The following XG variants were observed in gnomAD, a reference collection of about 807,000 sequenced individuals.
XG encodes the protein Xg glycoprotein (Xg blood group).
A neutral mutation model predicts 25.7 loss-of-function variants in XG; 24 were observed. That is an observed-to-expected ratio of 0.93 (90% CI 0.68 to 1.31). The LOEUF (loss-of-function observed/expected upper bound fraction) is 1.31, where lower values mean the gene tolerates loss of function less well. XG is among the 40% of genes most tolerant of loss of function. XG has a pLI of 0.00. For synonymous variants in XG, 77 were observed against 69.2 expected (o/e 1.11, Z -0.56); for missense variants, 181 against 187.6 (o/e 0.96, Z 0.21).
chrX:2,763,495 AG>A (rs1228372136), intron 1 of XG, among the ~76,000 whole-genome samples: 3 of 123,216 alleles, frequency 2.4e-5, no homozygotes, highest in African/African-American at 6.2e-5. Flanking sequence ...GGGGGGTGGA[AG>A]GGGGGTGAGG....
chrX:2,774,004 C>G (rs1040628296), intron 2 of XG, among the ~76,000 whole-genome samples: 8 of 149,882 alleles, frequency 5.3e-5, no homozygotes, highest in African/African-American at 1.7e-4. Context: ...AGTGAATGTC[C>G]GCACCACACA....
intron 1 of XG, among the ~76,000 whole-genome samples, chrX:2,767,245 A>C (rs2050720179): frequency 1.3e-5 from 2 of 152,154 alleles, no homozygotes; most frequent in African/African-American, 4.8e-5. Flanking sequence ...CAGGCTACAG[A>C]AGAATGCTTC....
chrX:2,797,431 G>A (rs1451896782), intron 7 of XG, 71 bp downstream of exon 7: 3 of 1,121,479 alleles, frequency 2.7e-6, no homozygotes, highest in Non-Finnish European at 3.7e-6. Flanking sequence ...GCTCCCGCTT[G>A]CACTCTGCCC....
chrX:2,754,650 GGA>G (rs1184858080), intron 1 of XG, among the ~76,000 whole-genome samples: 1 of 152,186 alleles, frequency 6.6e-6, no homozygotes, highest in Non-Finnish European at 1.5e-5. Flanking sequence ...TGAGGAGCAA[GGA>G]GAGCCAGTCC....
chrX:2,806,575 G>A lies in XG; in HGVS notation c.374-126G>A, dbSNP rs773151977. On this transcript the variant is annotated intron_variant, in intron 7 of 10. Coordinates refer to ENST00000644266, the MANE Select transcript of XG (RefSeq NM_001141919.2). ...GTGCACCTTCCCTGGCCTTGGGAGA[G>A]CATTGGAATCTCTGCAGCTTTTAAG... is the stretch of plus-strand genomic sequence containing the variant. 291 of 585,356 alleles carry A rather than the reference G, an allele frequency of 5.0e-4. 1 individual carries two copies. The highest frequency in any genetic ancestry group is 3.2e-3 in the Middle Eastern group (6 of 1,893). The allele number at this position is 585,356 out of a possible 1,213,427, so 48.2% of individuals were successfully genotyped here. A position where few individuals can be genotyped will look rare whatever the true frequency, so the allele number is the denominator to read the frequency against.
intron 1 of XG, among the ~76,000 whole-genome samples, chrX:2,756,705 CG>C (rs2050442393): frequency 6.6e-6 from 1 of 152,126 alleles, no homozygotes; most frequent in Non-Finnish European, 1.5e-5. Context: ...AGTTCCCTGA[CG>C]CCCCCTCACA....
chrX:2,784,462 C>T (rs1008410197), intron 4 of XG, among the ~76,000 whole-genome samples: 2 of 108,097 alleles, frequency 1.9e-5, no homozygotes, highest in African/African-American at 6.8e-5. Flanking sequence ...CCCAGCAACT[C>T]GAGAGGCTGA....
In XG at chrX:2,794,563, C is replaced by A; in HGVS notation, c.282C>A (p.Asp94Glu). ...ACTTCAATGATGTGGACCGTGATGACGGACGCTACCCGCCCAGGCCCAGGC... is the reference window on the plus strand; with the variant it reads ...ACTTCAATGATGTGGACCGTGATGAAGGACGCTACCCGCCCAGGCCCAGGC... The part of the protein sequence containing the change: ...GGYFNDVDRD[D>E]GRYPPRPRPR... Residue 94 changes from aspartate (D) to glutamate (E), a missense_variant, in exon 6 of 11, where the codon GAC (aspartate) becomes GAA (glutamate). By Grantham distance (45) the Asp-to-Glu change is conservative (BLOSUM62 2). Transcript: ENST00000644266. 1 of 1,211,537 alleles carries A rather than the reference C, an allele frequency of 8.3e-7. No homozygotes were observed. The highest frequency in any genetic ancestry group is 1.1e-6 in the Non-Finnish European group (1 of 895,365).
intron 10 of XG, among the ~76,000 whole-genome samples, chrX:2,812,548 T>C (rs2087068185): frequency 9.0e-6 from 1 of 111,009 alleles, no homozygotes; most frequent in Admixed American, 9.7e-5. Context: ...GGTGTTTGCT[T>C]TAGGATTTGC....
intron 2 of XG, among the ~76,000 whole-genome samples, chrX:2,773,319 G>C (rs1412314319): frequency 6.8e-6 from 1 of 147,444 alleles, no homozygotes; most frequent in Non-Finnish European, 1.5e-5. Flanking sequence ...AAGAAAGGAG[G>C]GGGGAAGGAA....
chrX:2,765,176 T>C (rs1243051037), intron 1 of XG, among the ~76,000 whole-genome samples: 1 of 149,572 alleles, frequency 6.7e-6, no homozygotes, highest in Non-Finnish European at 1.5e-5. Flanking sequence ...TGAAACCCCA[T>C]CTCTACTAAA....
At position 2,815,897 on chromosome X, in the gene XG, A is replaced by G. The variant is rs2087100845; in HGVS notation, c.*1517A>G. Reference sequence around the variant, plus strand: ...CTAAAACTGTCATAAACTATTTTTAATCATTTTAAATAAATGTAAAAGAAA... The same window carrying G: ...CTAAAACTGTCATAAACTATTTTTAGTCATTTTAAATAAATGTAAAAGAAA... On this transcript the variant is annotated 3_prime_UTR_variant, in exon 11 of 11. Coordinates refer to ENST00000644266, the MANE Select transcript of XG (RefSeq NM_001141919.2). 1 of 111,816 alleles carries G rather than the reference A, an allele frequency of 8.9e-6. No homozygotes were observed. The highest frequency in any genetic ancestry group is 1.9e-5 in the Non-Finnish European group (1 of 53,184). The allele number at this position is 111,816 out of a possible 1,213,427, so 9.2% of individuals were successfully genotyped here.
At chrX:2,774,931 C>T (rs1460043969) in intron 3 of XG, 192 bp downstream of exon 3, 6 of 691,468 alleles carry the variant, frequency 8.7e-6, no homozygotes, top group Admixed American at 2.6e-5. Context: ...TGAAGCACCA[C>T]TTCGTCCCCA....
chrX:2,761,605 A>G (rs1192737067), intron 1 of XG, among the ~76,000 whole-genome samples: 1 of 149,806 alleles, frequency 6.7e-6, no homozygotes, highest in African/African-American at 2.5e-5. Context: ...TCCTGATCTC[A>G]AGACGTCCAG....
chrX:2,752,575 A>G (rs775709021), intron 1 of XG, among the ~76,000 whole-genome samples: 2 of 152,284 alleles, frequency 1.3e-5, no homozygotes, highest in East Asian at 3.9e-4. Context: ...CCATCTAGAT[A>G]TTCGCCATAT....
At chrX:2,752,615 G>A (rs1162472292) in intron 1 of XG, among the ~76,000 whole-genome samples, 2 of 152,132 alleles carry the variant, frequency 1.3e-5, no homozygotes, top group African/African-American at 2.4e-5. Context: ...TGTCCCAAGC[G>A]TTTAAAAAAT....
Position 2,752,278 on chromosome X carries a change from G to A in XG, c.4G>A (p.Glu2Lys). The change falls in exon 1 of 11, where the codon GAG becomes AAG. Residue 2 changes from glutamate to lysine, a missense_variant. By Grantham distance (56) the Glu-to-Lys change is moderately conservative. Coordinates refer to ENST00000644266, the MANE Select transcript of XG (RefSeq NM_001141919.2). ...TTCTTGCATCCTGAAGCAAACCATG[G>A]AGAGCTGGTGGGGACTTCCCTGTCT... Reference protein sequence around the residue: MESWWGLPCLAF... With the variant: MKSWWGLPCLAF... 1 of 1,613,890 alleles carries A rather than the reference G, an allele frequency of 6.2e-7. No individual in the cohort carries two copies. The highest frequency in any genetic ancestry group is 8.5e-7 in the Non-Finnish European group (1 of 1,179,838).
At chrX:2,809,302 C>G (rs2087032699) in intron 9 of XG, among the ~76,000 whole-genome samples, 2 of 111,620 alleles carry the variant, frequency 1.8e-5, no homozygotes, top group Non-Finnish European at 3.8e-5. Flanking sequence ...GAGGTGGAGT[C>G]TGCACTTCAT....
chrX:2,814,690 C>G lies in XG; in HGVS notation c.*310C>G, dbSNP rs2087088763. 3 of 248,638 alleles carry G rather than the reference C, an allele frequency of 1.2e-5. No homozygotes were observed. The East Asian group carries it at 2.3e-4, about 19-fold the overall frequency. The allele number at this position is 248,638 out of a possible 1,213,427, so 20.5% of individuals were successfully genotyped here. A position where few individuals can be genotyped will look rare whatever the true frequency, so the allele number is the denominator to read the frequency against. ...TGAGATCTTCAGCTACCTCATGGTG[C>G]AATAACACACACACGCTTAACCATG... On this transcript the variant is annotated 3_prime_UTR_variant, in exon 11 of 11. Coordinates refer to ENST00000644266, the MANE Select transcript of XG (RefSeq NM_001141919.2).
Sources: allele counts gnomAD v4.1 joint callset (sites outside exome capture counted in the v4.1 genomes callset), GRCh38; gene constraint gnomAD v4.1.1; transcripts MANE v1.5; gene names NCBI Gene and HGNC (gene_info 2026-07-23, HGNC 2026-07-21).